Variants in SLC9A9 observed in about 807,000 individuals in gnomAD.
The protein encoded by SLC9A9 is solute carrier family 9 member A9, also known as sodium/hydrogen exchanger 9.
A neutral mutation model predicts 77.8 loss-of-function variants in SLC9A9; 62 were observed. That is an observed-to-expected ratio of 0.80 (90% confidence interval 0.65 to 0.98). SLC9A9 has a LOEUF of 0.98. Among genes scored for constraint, SLC9A9 ranks in the 50% least tolerant of loss-of-function variants. The pLI is 0.00. For missense variants in SLC9A9, 775 were observed against 774.9 expected (o/e 1.00, Z 0.00); for synonymous variants, 320 against 283.5 (o/e 1.13, Z -1.29).
At chr3:143,382,814 T>A (rs573724483) in intron 12 of SLC9A9, among the ~76,000 whole-genome samples, 9 of 152,358 alleles carry the variant, frequency 5.9e-5, no homozygotes, top group African/African-American at 2.2e-4. Context: ...TCTTCCGGAA[T>A]TTTTGCCTAC....
At chr3:143,389,822 T>C (rs968498636) in intron 12 of SLC9A9, among the ~76,000 whole-genome samples, 14 of 152,126 alleles carry the variant, frequency 9.2e-5, no homozygotes, top group African/African-American at 3.1e-4. Context: ...GTGTGGCATG[T>C]CAAGTATGTA....
intron 1 of SLC9A9, among the ~76,000 whole-genome samples, chr3:143,846,190 A>G (rs1004181135): frequency 1.3e-5 from 2 of 152,202 alleles, no homozygotes; most frequent in Non-Finnish European, 2.9e-5. Context: ...TACGAAAACA[A>G]TATCCCCACC....
chr3:143,330,531 A>C (rs2031737296), intron 14 of SLC9A9, among the ~76,000 whole-genome samples: 1 of 152,330 alleles, frequency 6.6e-6, no homozygotes, highest in Non-Finnish European at 1.5e-5. Flanking sequence ...TTTAACCAAA[A>C]ATTTATTATT....
At chr3:143,732,953 A>G (rs1017366777) in intron 4 of SLC9A9, among the ~76,000 whole-genome samples, 12 of 152,152 alleles carry the variant, frequency 7.9e-5, no homozygotes, top group African/African-American at 2.9e-4. Context: ...TGGTGCAACT[A>G]AGGCCAAAAA....
intron 14 of SLC9A9, among the ~76,000 whole-genome samples, chr3:143,295,604 G>T (rs570351139): frequency 8.5e-5 from 13 of 152,248 alleles, no homozygotes; most frequent in South Asian, 8.3e-4. Flanking sequence ...TTAAAGAAAG[G>T]TTGCCCCTAT....
chr3:143,353,659 T>C (rs183580005), intron 14 of SLC9A9, among the ~76,000 whole-genome samples: 2 of 152,316 alleles, frequency 1.3e-5, no homozygotes, highest in Admixed American at 1.3e-4. Flanking sequence ...GCTCTCAGCA[T>C]TGGTGGCTGG....
rs193149610 is a variant in SLC9A9, at chr3:143,354,019, A to G, written c.1604+9465T>C. ...ATTCTGATTACACTAGGCACTGGGA[A>G]TAAGGGTTTCACGCTTGACTTCAAA... On this transcript the variant is annotated intron_variant, in intron 14 of 15. Coordinates refer to ENST00000316549, the MANE Select transcript of SLC9A9 (RefSeq NM_173653.4). 2.3e-3 allele frequency among the ~76,000 whole-genome samples: 344 copies of G among 152,294 alleles called. 1 individual carries two copies. Among genetic ancestry groups the G allele is most frequent in the African/African-American group, 8.1e-3 (337 of 41,552 alleles).
At chr3:143,759,967 C>G (rs186992475) in intron 4 of SLC9A9, among the ~76,000 whole-genome samples, 2 of 152,036 alleles carry the variant, frequency 1.3e-5, no homozygotes, top group Non-Finnish European at 2.9e-5. Context: ...AAATCTCACA[C>G]GGTTTATTGT....
intron 12 of SLC9A9, among the ~76,000 whole-genome samples, chr3:143,452,100 T>C (rs1193409786): frequency 2.0e-5 from 3 of 152,124 alleles, no homozygotes; most frequent in Non-Finnish European, 4.4e-5. Flanking sequence ...TGATGGATGC[T>C]AAAAACAGTG....
chr3:143,638,993 T>C (rs747168831), intron 6 of SLC9A9, among the ~76,000 whole-genome samples: 1 of 152,200 alleles, frequency 6.6e-6, no homozygotes, highest in African/African-American at 2.4e-5. Flanking sequence ...CTCTGGAAAG[T>C]TTTTTCTTAG....
chr3:143,805,305 C>T (rs2008680710), intron 2 of SLC9A9, among the ~76,000 whole-genome samples: 1 of 152,094 alleles, frequency 6.6e-6, no homozygotes, highest in African/African-American at 2.4e-5. Context: ...AATCCTCCTT[C>T]AACTTGACCT....
At chr3:143,654,718 T>A (rs1360196244) in intron 5 of SLC9A9, among the ~76,000 whole-genome samples, 2 of 152,186 alleles carry the variant, frequency 1.3e-5, no homozygotes, top group Non-Finnish European at 2.9e-5. Flanking sequence ...TTCATTTGTA[T>A]CATCAAGCTC....
intron 8 of SLC9A9, among the ~76,000 whole-genome samples, chr3:143,570,422 A>G (rs1040916430): frequency 6.6e-6 from 1 of 152,158 alleles, no homozygotes; most frequent in East Asian, 1.9e-4. Flanking sequence ...CAAATTTTCT[A>G]AAAGACAATT....
At chr3:143,315,369 A>G (rs757527326) in intron 14 of SLC9A9, among the ~76,000 whole-genome samples, 2 of 152,182 alleles carry the variant, frequency 1.3e-5, no homozygotes, top group Non-Finnish European at 2.9e-5. Flanking sequence ...GAGGGCTCTA[A>G]CGGCAACATG....
Position 143,735,870 on chromosome 3 carries a change from CCTCT to C in SLC9A9, c.534-42567_534-42564del, listed in dbSNP as rs1439055186. ...ATGTGACATTGAGCAAGCTACTTAGCCTCTCTAAGCGTTAATTTTTTTCAATGGT... is the reference window on the plus strand; with the variant it reads ...ATGTGACATTGAGCAAGCTACTTAGCCTAAGCGTTAATTTTTTTCAATGGT... On this transcript the variant is annotated intron_variant, in intron 4 of 15. Coordinates refer to ENST00000316549, the MANE Select transcript of SLC9A9 (RefSeq NM_173653.4). 7.2e-5 allele frequency among the ~76,000 whole-genome samples: 11 copies of C among 152,284 alleles called. No individual in the cohort carries two copies. In the South Asian group the frequency reaches 8.3e-4, roughly 11 times the overall value.
intron 12 of SLC9A9, among the ~76,000 whole-genome samples, chr3:143,391,618 TGAGAGAAGAAGG>T (rs2033568409): frequency 6.6e-6 from 1 of 152,178 alleles, no homozygotes; most frequent in Admixed American, 6.5e-5. Context: ...TTTGACGAGT[TGAGAGAAGAAGG>T]CTTCAAACGA....
At chr3:143,764,808 C>T (rs1317207302) in intron 4 of SLC9A9, among the ~76,000 whole-genome samples, 2 of 152,106 alleles carry the variant, frequency 1.3e-5, no homozygotes, top group Admixed American at 1.3e-4. Context: ...AACTCCTGGC[C>T]TCAAGAGATC....
intron 12 of SLC9A9, among the ~76,000 whole-genome samples, chr3:143,454,423 T>C (rs1015363060): frequency 6.6e-6 from 1 of 152,194 alleles, no homozygotes; most frequent in African/African-American, 2.4e-5. Context: ...CATAAATACT[T>C]TCTCTTATGT....
chr3:143,632,150 T>G (rs1028885725), intron 6 of SLC9A9, among the ~76,000 whole-genome samples: 3 of 152,130 alleles, frequency 2.0e-5, no homozygotes, highest in Non-Finnish European at 4.4e-5. Flanking sequence ...CTCTGGGGAT[T>G]GAGGGGAGAA....
Sources: gnomAD v4.1 joint callset for allele counts (sites outside exome capture counted in the v4.1 genomes callset) on GRCh38, gnomAD v4.1.1 for gene constraint, MANE v1.5 for transcripts, NCBI Gene and HGNC (gene_info 2026-07-23, HGNC 2026-07-21) for gene names.